SGCD: variants seen among roughly 807,000 people sequenced by gnomAD.
The protein encoded by SGCD is sarcoglycan delta.
SGCD carries 18 observed loss-of-function variants against 36.6 expected under a neutral mutation model. The observed-to-expected ratio is 0.49, with a 90% CI of 0.34 to 0.73. SGCD has a LOEUF of 0.73. Ranked by LOEUF, SGCD falls within the 30% of genes least tolerant of loss-of-function variation. The pLI, the probability that SGCD is intolerant of heterozygous loss-of-function variation, is 0.01. For synonymous variants in SGCD, 133 were observed against 130.6 expected, an observed-to-expected ratio of 1.02 and a Z score of -0.12; for missense variants, 387 against 346.7, an observed-to-expected ratio of 1.12 and a Z score of -0.92.
the SGCD span, among the ~76,000 whole-genome samples, chr5:155,796,190 T>C: frequency 2.6e-5 from 4 of 152,182 alleles, no homozygotes; most frequent in Non-Finnish European, 5.9e-5. Context: ...CAACTGACCA[T>C]ATACTGGCTC....
At chr5:155,731,863 C>T in the SGCD span, among the ~76,000 whole-genome samples, 3 of 152,208 alleles carry the variant, frequency 2.0e-5, no homozygotes, top group Non-Finnish European at 4.4e-5. Context: ...GGTCCCTGAA[C>T]CAGGCTTTGA....
chr5:156,139,910 C>A (rs1442311103), intron 3 of SGCD, among the ~76,000 whole-genome samples: 2 of 152,140 alleles, frequency 1.3e-5, no homozygotes, highest in African/African-American at 2.4e-5. Flanking sequence ...AGATTGACAC[C>A]TTTGTAAAAG....
At chr5:156,411,545 G>T (rs1772755603) in intron 3 of SGCD, among the ~76,000 whole-genome samples, 1 of 152,212 alleles carries the variant, frequency 6.6e-6, no homozygotes, top group Admixed American at 6.5e-5. Context: ...TCTGCCTGTT[G>T]TATGCTTTGC....
At chr5:156,690,590 A>G (rs1754070815) in intron 7 of SGCD, among the ~76,000 whole-genome samples, 2 of 152,212 alleles carry the variant, frequency 1.3e-5, no homozygotes, top group South Asian at 4.1e-4. Flanking sequence ...ATCTGCTTAG[A>G]TGTGAGAGTT....
intron 1 of SGCD, among the ~76,000 whole-genome samples, chr5:155,978,290 T>C (rs1758160823): frequency 6.6e-6 from 1 of 152,204 alleles, no homozygotes; most frequent in Non-Finnish European, 1.5e-5. Context: ...CCAGAGCATC[T>C]TTAGAAAATC....
the SGCD span, among the ~76,000 whole-genome samples, chr5:155,749,094 G>A: frequency 6.6e-6 from 1 of 152,158 alleles, no homozygotes; most frequent in African/African-American, 2.4e-5. Flanking sequence ...ATAGTATAGA[G>A]CAATTAATGA....
the SGCD span, among the ~76,000 whole-genome samples, chr5:155,862,094 T>C: frequency 2.6e-5 from 4 of 152,222 alleles, no homozygotes; most frequent in South Asian, 6.2e-4. Context: ...ACATGTCTCG[T>C]GGCACTTTCA....
intron 3 of SGCD, among the ~76,000 whole-genome samples, chr5:156,150,052 A>G (rs1308585330): frequency 3.3e-5 from 5 of 152,118 alleles, no homozygotes; most frequent in Non-Finnish European, 7.4e-5. Flanking sequence ...GCCTAGTGGC[A>G]TCTCTTCTCT....
At chr5:156,498,935 C>CCTGT (rs149269957) in intron 3 of SGCD, among the ~76,000 whole-genome samples, 9,436 of 149,398 alleles carry the variant, frequency 0.063, 478 homozygotes, top group African/African-American at 0.14. Flanking sequence ...ATGTGTGCTA[C>CCTGT]GTGTGTGTGT....
intron 3 of SGCD, among the ~76,000 whole-genome samples, chr5:156,353,697 C>T (rs893826819): frequency 1.3e-5 from 2 of 152,222 alleles, no homozygotes; most frequent in Admixed American, 6.5e-5. Context: ...AGTGCTTTGA[C>T]TGTGTGGTCA....
At chr5:155,938,830 A>G (rs753931952) in intron 1 of SGCD, among the ~76,000 whole-genome samples, 8 of 152,250 alleles carry the variant, frequency 5.3e-5, no homozygotes, top group Non-Finnish European at 1.2e-4. Flanking sequence ...CACAGATAAG[A>G]CAACTGTTAA....
chr5:156,436,110 C>T (rs1171036233), intron 3 of SGCD, among the ~76,000 whole-genome samples: 15 of 152,130 alleles, frequency 9.9e-5, no homozygotes, highest in South Asian at 8.3e-4. Flanking sequence ...TGTCACTCAC[C>T]GGGCCACAGT....
chr5:156,184,101 A>C (rs779909724), intron 3 of SGCD, among the ~76,000 whole-genome samples: 4 of 152,216 alleles, frequency 2.6e-5, no homozygotes, highest in Non-Finnish European at 5.9e-5. Flanking sequence ...AGATGGGCCA[A>C]AATCATCTAA....
intron 3 of SGCD, among the ~76,000 whole-genome samples, chr5:156,477,331 T>TA (rs1755225953): frequency 6.6e-6 from 1 of 152,170 alleles, no homozygotes; most frequent in Non-Finnish European, 1.5e-5. Flanking sequence ...AAGTACAATA[T>TA]AACCCATAGA....
the SGCD span, among the ~76,000 whole-genome samples, chr5:155,744,241 C>A: frequency 6.6e-6 from 1 of 152,090 alleles, no homozygotes; most frequent in Non-Finnish European, 1.5e-5. Context: ...GTGGGCAGAT[C>A]ACGAGGTCAG....
intron 6 of SGCD, among the ~76,000 whole-genome samples, chr5:156,614,235 A>G (rs943647068): frequency 6.6e-6 from 1 of 152,172 alleles, no homozygotes; most frequent in Non-Finnish European, 1.5e-5. Flanking sequence ...ATGAGCCACT[A>G]TGCCCAGCCA....
intron 1 of SGCD, among the ~76,000 whole-genome samples, chr5:156,003,575 C>T (rs946903690): frequency 2.4e-4 from 37 of 152,328 alleles, no homozygotes; most frequent in African/African-American, 8.7e-4. Context: ...GTGTTTGATA[C>T]ATCTGGGCAT....
At chr5:156,382,292 G>A (rs1248884083) in intron 3 of SGCD, among the ~76,000 whole-genome samples, 4 of 152,118 alleles carry the variant, frequency 2.6e-5, no homozygotes, top group African/African-American at 9.7e-5. Context: ...AAAGAAGCCA[G>A]CGAGAATATG....
chr5:156,651,492 G>A (rs1185416803), intron 7 of SGCD, among the ~76,000 whole-genome samples: 1 of 152,078 alleles, frequency 6.6e-6, no homozygotes, highest in Non-Finnish European at 1.5e-5. Context: ...GGAAAGGTAG[G>A]AGTCCAGTTT....
Sources: allele counts gnomAD v4.1 joint callset (sites outside exome capture counted in the v4.1 genomes callset), GRCh38; gene constraint gnomAD v4.1.1; transcripts MANE v1.5; gene names NCBI Gene and HGNC (gene_info 2026-07-23, HGNC 2026-07-21).